Variants in RBFOX1 observed in about 807,000 individuals in gnomAD.
RBFOX1 encodes the protein RNA binding fox-1 homolog 1, also known as RNA binding protein fox-1 homolog 1.
Under a neutral mutation model 57.7 loss-of-function variants are expected in RBFOX1, and 8 were observed. The observed-to-expected ratio is 0.14, with a 90% CI of 0.08 to 0.25. The LOEUF is 0.25. Ranked by LOEUF, RBFOX1 falls within the 10% of genes least tolerant of loss-of-function variation. The pLI is 1.00. For missense variants in RBFOX1, 611 were observed against 548.5 expected, an observed-to-expected ratio of 1.11 and a Z score of -1.14; for synonymous variants, 326 against 222.4, an observed-to-expected ratio of 1.47 and a Z score of -4.15.
chr16:7,007,048 C>T lies in RBFOX1; in HGVS notation c.-15-45009C>T, dbSNP rs577857214. Among the ~76,000 whole-genome samples, 6 of 152,318 alleles carry T rather than the reference C, an allele frequency of 3.9e-5. No homozygotes were observed. The South Asian group carries it at 8.3e-4, about 21-fold the overall frequency. On this transcript the variant is annotated intron_variant, in intron 3 of 15. Coordinates refer to ENST00000550418, the MANE Select transcript of RBFOX1 (RefSeq NM_018723.4). ...CTATAGGTGAGAAATCTAGTTGGCT[C>T]ATCTGGTTTCTACACTGTGAGTTTT...
At chr16:6,911,799 TTTC>T (rs2071682723) in intron 3 of RBFOX1, among the ~76,000 whole-genome samples, 1 of 152,330 alleles carries the variant, frequency 6.6e-6, no homozygotes, top group East Asian at 1.9e-4. Flanking sequence ...AGATCTATTT[TTTC>T]TTCTTTTTCA....
At chr16:6,024,737 G>A (rs2095153611) in intron 1 of RBFOX1, among the ~76,000 whole-genome samples, 1 of 152,140 alleles carries the variant, frequency 6.6e-6, no homozygotes, top group African/African-American at 2.4e-5. Flanking sequence ...CGCCTCCTCG[G>A]CCTCTCAAAG....
chr16:6,547,734 C>T (rs1322116205), intron 2 of RBFOX1, among the ~76,000 whole-genome samples: 8 of 151,276 alleles, frequency 5.3e-5, no homozygotes, highest in African/African-American at 1.9e-4. Context: ...CTCTGGGATA[C>T]ATTTCGTTTA....
intron 1 of RBFOX1, among the ~76,000 whole-genome samples, chr16:6,288,034 C>T (rs1190705681): frequency 4.6e-5 from 7 of 152,122 alleles, no homozygotes. Context: ...CTGTAAGGCA[C>T]CTGGAACTCT....
chr16:7,528,738 T>C (rs1173580079), intron 5 of RBFOX1, among the ~76,000 whole-genome samples: 1 of 152,224 alleles, frequency 6.6e-6, no homozygotes, highest in Admixed American at 6.5e-5. Flanking sequence ...AGTCATTTTA[T>C]GCCCTTAATT....
chr16:6,000,131 G>A (rs967476940), intron 4 of RBFOX1, among the ~76,000 whole-genome samples: 1 of 152,054 alleles, frequency 6.6e-6, no homozygotes, highest in South Asian at 2.1e-4. Context: ...CATAGGACAC[G>A]TTCACTCAGT....
chr16:5,259,633 A>G (rs1596325265), intron 1 of RBFOX1, among the ~76,000 whole-genome samples: 1 of 152,330 alleles, frequency 6.6e-6, no homozygotes, highest in Middle Eastern at 3.4e-3. Context: ...TAAGTGAGAG[A>G]CAAAAATCAT....
rs552996667 is a variant in RBFOX1 at position 6,225,566 on chromosome 16, G to A, written c.-126-91429G>A. ...TTAAAATAGAAAGTATTCACCTTTTGCAAATGAGGATAGTGAAATTTACTT... is the reference window on the plus strand; with the variant it reads ...TTAAAATAGAAAGTATTCACCTTTTACAAATGAGGATAGTGAAATTTACTT... On this transcript the variant is annotated intron_variant, in intron 1 of 15. Transcript: ENST00000550418. Among the ~76,000 whole-genome samples the A allele has an allele frequency of 3.3e-5, 5 of 152,274 alleles. No individual in the cohort carries two copies. In the East Asian group the frequency reaches 9.7e-4, roughly 29 times the overall value.
intron 4 of RBFOX1, among the ~76,000 whole-genome samples, chr16:7,084,222 T>A (rs2059637667): frequency 6.6e-6 from 1 of 152,168 alleles, no homozygotes; most frequent in Admixed American, 6.6e-5. Context: ...AACACTGTGC[T>A]GGTCAAATGG....
At chr16:6,329,973 C>G (rs1257823129) in intron 2 of RBFOX1, among the ~76,000 whole-genome samples, 1 of 151,918 alleles carries the variant, frequency 6.6e-6, no homozygotes, top group Admixed American at 6.6e-5. Flanking sequence ...AAATCAAAAA[C>G]CACAAGGTGG....
intron 3 of RBFOX1, among the ~76,000 whole-genome samples, chr16:5,866,980 C>T (rs2057357290): frequency 6.6e-6 from 1 of 152,128 alleles, no homozygotes; most frequent in Non-Finnish European, 1.5e-5. Context: ...TTTTCTTTTT[C>T]AGTGTTTATT....
chr16:7,367,604 G>A (rs1159476780), intron 4 of RBFOX1, among the ~76,000 whole-genome samples: 1 of 152,150 alleles, frequency 6.6e-6, no homozygotes, highest in Non-Finnish European at 1.5e-5. Flanking sequence ...TCTAACTCCA[G>A]ACTCTGATGC....
At chr16:7,236,857 C>T (rs753039314) in intron 4 of RBFOX1, among the ~76,000 whole-genome samples, 22 of 152,224 alleles carry the variant, frequency 1.4e-4, no homozygotes, top group African/African-American at 4.3e-4. Flanking sequence ...ACTGGAAGCA[C>T]GCAGGATTTA....
In RBFOX1 at chr16:7,518,162, G is replaced by A. The variant is rs1013691536; in HGVS notation, c.43G>A (p.Ala15Thr). Residue 15 changes from alanine to threonine, a missense_variant, in exon 5 of 16, where the codon GCC becomes ACC. Ala to Thr is a moderately conservative substitution (Grantham distance 58). This residue lies in a region of RBFOX1 where 245 missense variants were observed against 159.1 expected (regional missense o/e 1.54). Transcript: ENST00000550418. ...REQLRGNQEA[A>T]AAPDTMAQPY... is the part of the protein sequence containing the mutation. ...GATTTTTCAGGGTAATCAGGAAGCA[G>A]CCGCTGCCCCTGACACAATGGCTCA... is the stretch of plus-strand genomic sequence containing the variant. The A allele has an allele frequency of 1.9e-6, 3 of 1,611,706 alleles. No homozygotes were observed. The highest frequency in any genetic ancestry group is 2.7e-5 in the African/African-American group (2 of 74,858).
intron 4 of RBFOX1, among the ~76,000 whole-genome samples, chr16:7,453,151 G>T (rs1188385718): frequency 1.4e-5 from 2 of 141,870 alleles, no homozygotes; most frequent in African/African-American, 2.6e-5. Context: ...AAAAAAAATT[G>T]CAATCATGAT....
At chr16:7,033,356 C>T (rs900502388) in intron 3 of RBFOX1, among the ~76,000 whole-genome samples, 1 of 152,136 alleles carries the variant, frequency 6.6e-6, no homozygotes, top group African/African-American at 2.4e-5. Context: ...CCCGTCTCTA[C>T]TAAAAATACA....
intron 2 of RBFOX1, among the ~76,000 whole-genome samples, chr16:6,569,687 G>A (rs1184475940): frequency 6.6e-6 from 1 of 152,196 alleles, no homozygotes; most frequent in South Asian, 2.1e-4. Context: ...CATCCTGTGA[G>A]TACCTTGACA....
chr16:6,052,937 A>G (rs1245900148), intron 1 of RBFOX1, among the ~76,000 whole-genome samples: 2 of 152,032 alleles, frequency 1.3e-5, no homozygotes, highest in Non-Finnish European at 2.9e-5. Context: ...CTTCATAAAT[A>G]TTAGTTCATC....
At chr16:7,108,761 C>A (rs893992115) in intron 4 of RBFOX1, among the ~76,000 whole-genome samples, 16 of 152,256 alleles carry the variant, frequency 1.1e-4, no homozygotes, top group African/African-American at 3.6e-4. Context: ...ATACACTCAC[C>A]CCTGTGCTCA....
Sources: allele counts gnomAD v4.1 joint callset (sites outside exome capture counted in the v4.1 genomes callset), GRCh38; gene constraint gnomAD v4.1.1; regional missense constraint gnomAD v4.1.1; transcripts MANE v1.5; gene names NCBI Gene and HGNC (gene_info 2026-07-23, HGNC 2026-07-21).